The following LETM1 variants were observed in gnomAD, a reference collection of about 807,000 sequenced individuals.
The protein encoded by LETM1 is leucine zipper and EF-hand containing transmembrane protein 1.
Under a neutral mutation model 74.5 loss-of-function variants are expected in LETM1, and 50 were observed. The ratio of observed to expected loss-of-function variants is 0.67; its 90% CI spans 0.53 to 0.85. LETM1 has a LOEUF of 0.85. Ranked by LOEUF, LETM1 falls within the 40% of genes least tolerant of loss-of-function variation. The pLI, the probability that LETM1 is intolerant of heterozygous loss-of-function variation, is 0.00. For synonymous variants in LETM1, 446 were observed against 407.1 expected, an observed-to-expected ratio of 1.10 and a Z score of -1.15; for missense variants, 824 against 967.8, an observed-to-expected ratio of 0.85 and a Z score of 1.97.
chr4:1,836,765 G>T lies in LETM1; in HGVS notation c.595-193C>A, dbSNP rs1025228436. On this transcript the variant is annotated intron_variant, in intron 3 of 13. Coordinates refer to ENST00000302787, the MANE Select transcript of LETM1 (RefSeq NM_012318.3). The surrounding 1 kb of genome is among the most constrained non-coding windows in gnomAD (Gnocchi z 5.8). ...ACCCACTTCTTTCTCAGGGTCCAAA[G>T]CAGGTACCAGCAGCCTCCAGAAAAG... 6.6e-6 allele frequency among the ~76,000 whole-genome samples: 1 copy of T among 152,202 alleles called. No homozygotes were observed. The highest frequency in any genetic ancestry group is 2.4e-5 in the African/African-American group (1 of 41,440).
intron 6 of LETM1, among the ~76,000 whole-genome samples, chr4:1,832,302 CA>C (rs1295738776): frequency 2.9e-4 from 41 of 140,244 alleles, no homozygotes; most frequent in South Asian, 4.6e-4. Context: ...AACACCGTCT[CA>C]AAAAAAAAAA....
intron 10 of LETM1, among the ~76,000 whole-genome samples, chr4:1,821,715 G>A (rs1480282863): frequency 6.6e-6 from 1 of 152,114 alleles, no homozygotes; most frequent in Non-Finnish European, 1.5e-5. Flanking sequence ...CAGCACAGGC[G>A]CCTGGAGGCT....
chr4:1,842,387 G>T (rs915437584), intron 2 of LETM1, among the ~76,000 whole-genome samples: 5 of 152,058 alleles, frequency 3.3e-5, no homozygotes, highest in Admixed American at 1.3e-4. Flanking sequence ...CTACCCACCT[G>T]CCCACTCTGT....
chr4:1,845,680 G>T (rs563876099), intron 2 of LETM1, among the ~76,000 whole-genome samples: 1 of 150,196 alleles, frequency 6.7e-6, no homozygotes, highest in East Asian at 2.0e-4. Flanking sequence ...CCAAGTAGCT[G>T]GGATTATAGG....
In LETM1 at chr4:1,855,913, G is replaced by A. The variant is rs2108860528; in HGVS notation, c.38C>T (p.Ala13Val). 1 of 1,237,294 alleles carries A rather than the reference G, an allele frequency of 8.1e-7. No homozygotes were observed. 76.6% of individuals were successfully genotyped at this position (1,237,294 alleles called of 1,614,324 possible). A position where few individuals can be genotyped will look rare whatever the true frequency, so the allele number is the denominator to read the frequency against. ...SILLRSCRGR[A>V]PARLPPPPRY... Reference sequence around the variant, plus strand: ...AGGCGGCGGCGGGAGGCGGGCGGGCGCCCGGCCGCGGCAGCTCCTCAGTAA... The same window carrying A: ...AGGCGGCGGCGGGAGGCGGGCGGGCACCCGGCCGCGGCAGCTCCTCAGTAA... Residue 13 changes from alanine (A) to valine (V), a missense_variant, in exon 1 of 14, where the codon GCG (alanine) becomes GTG (valine). Coordinates refer to ENST00000302787, the MANE Select transcript of LETM1 (RefSeq NM_012318.3).
intron 7 of LETM1, among the ~76,000 whole-genome samples, chr4:1,825,102 C>G (rs1332191872): frequency 6.6e-6 from 1 of 152,204 alleles, no homozygotes; most frequent in Non-Finnish European, 1.5e-5. Flanking sequence ...ACAAGCCACT[C>G]AATTTGATGG....
chr4:1,833,416 C>G (rs1712350571), intron 5 of LETM1: 1 of 182,036 alleles, frequency 5.5e-6, no homozygotes, highest in African/African-American at 2.4e-5. Context: ...ACCAGCAAAG[C>G]TGAGGCTGCT....
rs957940679 is a variant in LETM1, at chr4:1,813,095, A to G, written c.*1329T>C. The G allele has an allele frequency of 1.3e-5, 2 of 152,404 alleles. No homozygotes were observed. The highest frequency in any genetic ancestry group is 4.8e-5 in the African/African-American group (2 of 41,470). The allele number at this position is 152,404 out of a possible 1,614,324, so 9.4% of individuals were successfully genotyped here. On this transcript the variant is annotated 3_prime_UTR_variant, in exon 14 of 14. Coordinates refer to ENST00000302787, the MANE Select transcript of LETM1 (RefSeq NM_012318.3). ...AAAACAAACTTCTCAAATAACTGAA[A>G]GCTGAAAGCCTCTGGAAGCCAACTG... is the stretch of plus-strand genomic sequence containing the variant.
chr4:1,838,854 T>A (rs1310640877), intron 3 of LETM1, among the ~76,000 whole-genome samples: 3 of 152,090 alleles, frequency 2.0e-5, no homozygotes, highest in Non-Finnish European at 2.9e-5. Flanking sequence ...AGGCCCATGG[T>A]GTCCCATGGC....
At position 1,833,349 on chromosome 4, in the gene LETM1, G is replaced by A. The variant is rs564184268; in HGVS notation, c.877-402C>T. On this transcript the variant is annotated intron_variant, in intron 5 of 13. Transcript: ENST00000302787. The stretch of plus-strand genomic sequence containing the variant: ...CCTCAAACCACTGACTTCTGACTCC[G>A]GTGCTGGGCTAGCCTGGGGAAAGGT... The A allele has an allele frequency of 1.6e-4, 41 of 255,832 alleles. No homozygotes were observed. In the East Asian group the frequency reaches 3.5e-3, roughly 22 times the overall value. 15.8% of individuals were successfully genotyped at this position (255,832 alleles called of 1,614,324 possible). A position where few individuals can be genotyped will look rare whatever the true frequency, so the allele number is the denominator to read the frequency against.
At chr4:1,841,321 G>A in intron 3 of LETM1, 26 bp downstream of exon 3, 1 of 1,590,066 alleles carries the variant, frequency 6.3e-7, no homozygotes, top group Non-Finnish European at 8.6e-7. Flanking sequence ...AGAAAGAAAA[G>A]AAAGGACTAG....
At chr4:1,827,391 A>G (rs1712035139) in intron 6 of LETM1, among the ~76,000 whole-genome samples, 1 of 125,334 alleles carries the variant, frequency 8.0e-6, no homozygotes, top group African/African-American at 3.1e-5. Flanking sequence ...GCAGATAAAC[A>G]AGTGAACAAA....
intron 11 of LETM1, among the ~76,000 whole-genome samples, chr4:1,817,711 A>T (rs1711624792): frequency 6.6e-6 from 1 of 152,252 alleles, no homozygotes; most frequent in Non-Finnish European, 1.5e-5. Flanking sequence ...ATCTATTCTG[A>T]ATCTCAATTT....
intron 10 of LETM1, among the ~76,000 whole-genome samples, chr4:1,821,720 G>T (rs1010187571): frequency 3.3e-5 from 5 of 152,120 alleles, no homozygotes; most frequent in Middle Eastern, 3.2e-3. Context: ...CAGGCGCCTG[G>T]AGGCTGCACC....
chr4:1,823,933 C>T (rs947978945), intron 7 of LETM1, among the ~76,000 whole-genome samples, 158 bp from the exon 8 acceptor site: 3 of 152,136 alleles, frequency 2.0e-5, no homozygotes, highest in Non-Finnish European at 4.4e-5. Flanking sequence ...CCGATGACGG[C>T]GTTAGTAAAC....
intron 3 of LETM1, among the ~76,000 whole-genome samples, chr4:1,838,671 C>G (rs1712573818): frequency 6.6e-6 from 1 of 152,110 alleles, no homozygotes; most frequent in Admixed American, 6.5e-5. Context: ...GAGCGAGAAC[C>G]TGTCTCAAAA....
At chr4:1,853,188 G>T (rs1473346985) in intron 1 of LETM1, among the ~76,000 whole-genome samples, 2 of 151,902 alleles carry the variant, frequency 1.3e-5, no homozygotes, top group African/African-American at 4.8e-5. Flanking sequence ...TCAGGCCAGA[G>T]GCCACCTCTC....
intron 1 of LETM1, among the ~76,000 whole-genome samples, chr4:1,851,161 A>G (rs1181861762): frequency 6.6e-6 from 1 of 152,164 alleles, no homozygotes; most frequent in Non-Finnish European, 1.5e-5. Context: ...CAAGACAGGA[A>G]TAGGAGCAGC....
At chr4:1,822,477 G>T in intron 9 of LETM1, 165 bp from the exon 10 acceptor site, 1 of 727,650 alleles carries the variant, frequency 1.4e-6, no homozygotes, top group Non-Finnish European at 1.9e-6. Context: ...GCTCCATGCA[G>T]CTGCCAGGTC....
Sources: allele counts gnomAD v4.1 joint callset (sites outside exome capture counted in the v4.1 genomes callset), GRCh38; gene constraint gnomAD v4.1.1; non-coding constraint Gnocchi (gnomAD v3.1); transcripts MANE v1.5; gene names NCBI Gene and HGNC (gene_info 2026-07-23, HGNC 2026-07-21).